CPNE4: variants seen among roughly 807,000 people sequenced by gnomAD.
CPNE4 encodes the protein copine 4, also known as copine-4.
Under a neutral mutation model 67.9 loss-of-function variants are expected in CPNE4, and 25 were observed. The ratio of observed to expected loss-of-function variants is 0.37; its 90% CI spans 0.27 to 0.51. The LOEUF is 0.51. CPNE4 is among the 20% of genes least tolerant of loss of function. CPNE4 has a pLI of 0.93. For missense variants in CPNE4, 464 were observed against 690.8 expected, an observed-to-expected ratio of 0.67 and a Z score of 3.68; for synonymous variants, 242 against 244.9, an observed-to-expected ratio of 0.99 and a Z score of 0.11.
chr3:131,551,826 T>G (rs1463902702), intron 13 of CPNE4, among the ~76,000 whole-genome samples: 1 of 152,022 alleles, frequency 6.6e-6, no homozygotes, highest in East Asian at 1.9e-4. Context: ...AGAACAAAAT[T>G]TATTATAATA....
At chr3:131,945,742 T>C (rs1235304934) in intron 1 of CPNE4, among the ~76,000 whole-genome samples, 1 of 152,184 alleles carries the variant, frequency 6.6e-6, no homozygotes, top group African/African-American at 2.4e-5. Flanking sequence ...ATTTCTCTCC[T>C]GGCATCTCCT....
intron 2 of CPNE4, among the ~76,000 whole-genome samples, chr3:131,879,174 G>A (rs2087572022): frequency 6.6e-6 from 1 of 152,086 alleles, no homozygotes; most frequent in Non-Finnish European, 1.5e-5. Context: ...GTTTGTCAGT[G>A]AGTAAAAATC....
chr3:131,731,342 C>T (rs562439649), intron 2 of CPNE4, among the ~76,000 whole-genome samples: 1 of 152,314 alleles, frequency 6.6e-6, no homozygotes, highest in East Asian at 1.9e-4. Context: ...GAGTATCCCC[C>T]GTAGGCACCA....
intron 7 of CPNE4, among the ~76,000 whole-genome samples, chr3:131,615,524 C>G (rs140766046): frequency 6.6e-6 from 1 of 151,910 alleles, no homozygotes; most frequent in Non-Finnish European, 1.5e-5. Flanking sequence ...ATTGAAGAAC[C>G]CTTAGTCAAT....
chr3:131,910,238 G>C (rs1333234540), intron 1 of CPNE4, among the ~76,000 whole-genome samples: 2 of 152,138 alleles, frequency 1.3e-5, no homozygotes, highest in African/African-American at 2.4e-5. Flanking sequence ...CTGGGGAAGG[G>C]GGGAGAAAGA....
chr3:131,934,375 TATAAA>T (rs2071158257), intron 1 of CPNE4, among the ~76,000 whole-genome samples: 1 of 152,170 alleles, frequency 6.6e-6, no homozygotes. Context: ...GGATGTTTGT[TATAAA>T]ATGTCACTAA....
chr3:131,703,823 CAG>C (rs1327765595), intron 3 of CPNE4, among the ~76,000 whole-genome samples: 2 of 152,102 alleles, frequency 1.3e-5, no homozygotes, highest in Non-Finnish European at 2.9e-5. Flanking sequence ...TGAGTAGAAA[CAG>C]ATTAAAAACA....
intron 2 of CPNE4, among the ~76,000 whole-genome samples, chr3:131,743,904 A>G (rs887765195): frequency 6.0e-5 from 8 of 134,254 alleles, no homozygotes; most frequent in African/African-American, 2.2e-4. Flanking sequence ...CGGAGCTTGC[A>G]GTGAGCCGAG....
chr3:132,010,481 G>C (rs1047738134), intron 1 of CPNE4, among the ~76,000 whole-genome samples: 2 of 152,102 alleles, frequency 1.3e-5, no homozygotes, highest in African/African-American at 4.8e-5. Context: ...CTTGACTCCT[G>C]CAATGTGAGC....
chr3:131,973,023 A>G (rs79393327), intron 1 of CPNE4, among the ~76,000 whole-genome samples: 7,409 of 152,204 alleles, frequency 0.049, 189 homozygotes, highest in East Asian at 0.091. Context: ...CTTTTATTTC[A>G]TCAATGTACA....
intron 1 of CPNE4, among the ~76,000 whole-genome samples, chr3:131,988,765 T>G (rs567150806): frequency 3.3e-5 from 5 of 152,342 alleles, no homozygotes; most frequent in African/African-American, 4.8e-5. Context: ...TTTCCAAATA[T>G]AAGATTTATA....
chr3:132,007,200 C>G (rs1188420375), intron 1 of CPNE4, among the ~76,000 whole-genome samples: 5 of 152,166 alleles, frequency 3.3e-5, no homozygotes, highest in African/African-American at 7.2e-5. Flanking sequence ...TTACAGAGTT[C>G]ATGACTTGAA....
intron 1 of CPNE4, among the ~76,000 whole-genome samples, chr3:132,005,564 A>G (rs11712106): frequency 0.78 from 118,134 of 151,256 alleles, 47,116 homozygotes; most frequent in South Asian, 0.89. Context: ...ACATTCATCT[A>G]TTCAAGTGTT....
intron 7 of CPNE4, among the ~76,000 whole-genome samples, chr3:131,597,572 A>G (rs1440185531): frequency 6.6e-6 from 1 of 152,258 alleles, no homozygotes; most frequent in African/African-American, 2.4e-5. Context: ...CAGCTGTCCA[A>G]ACTGTGATCA....
chr3:131,640,513 T>C (rs911177414), intron 7 of CPNE4, among the ~76,000 whole-genome samples: 1 of 152,074 alleles, frequency 6.6e-6, no homozygotes, highest in South Asian at 2.1e-4. Flanking sequence ...AAATAAACCA[T>C]AGATGACACA....
chr3:131,583,856 G>A (rs1938003528), intron 8 of CPNE4, among the ~76,000 whole-genome samples: 1 of 152,148 alleles, frequency 6.6e-6, no homozygotes, highest in Non-Finnish European at 1.5e-5. Context: ...ATGAGGCTCA[G>A]AGAAGAGAAA....
chr3:131,570,228 G>A (rs1937263277), intron 10 of CPNE4, among the ~76,000 whole-genome samples: 1 of 151,650 alleles, frequency 6.6e-6, no homozygotes, highest in African/African-American at 2.4e-5. Context: ...GTAAAAATCT[G>A]TGTTACAATG....
intron 3 of CPNE4, among the ~76,000 whole-genome samples, chr3:131,719,367 G>T (rs2081821133): frequency 6.6e-6 from 1 of 152,138 alleles, no homozygotes; most frequent in South Asian, 2.1e-4. Context: ...TCCTTCCCAG[G>T]CTGTCAAGAG....
In CPNE4 at chr3:131,616,702, C is replaced by G. The variant is rs375441796; in HGVS notation, c.682-29120G>C. Among the ~76,000 whole-genome samples the G allele has an allele frequency of 2.0e-5, 3 of 152,244 alleles. No individual in the cohort carries two copies. The South Asian group carries it at 6.2e-4, about 32-fold the overall frequency. ...CCTCCTCTTGTTGATCCCTCCCAAC[C>G]AATGAATCAGTATGGTAAAATCTGT... On this transcript the variant is annotated intron_variant, in intron 7 of 15. Coordinates refer to ENST00000429747, the MANE Select transcript of CPNE4 (RefSeq NM_130808.3).
Sources: allele counts gnomAD v4.1 joint callset (sites outside exome capture counted in the v4.1 genomes callset), GRCh38; gene constraint gnomAD v4.1.1; transcripts MANE v1.5; gene names NCBI Gene and HGNC (gene_info 2026-07-23, HGNC 2026-07-21).